The following PPP1R12B variants were observed in gnomAD, a reference collection of about 807,000 sequenced individuals.
PPP1R12B encodes the protein protein phosphatase 1 regulatory subunit 12B.
A neutral mutation model predicts 126.1 loss-of-function variants in PPP1R12B; 76 were observed. The observed-to-expected ratio is 0.60, with a 90% CI of 0.50 to 0.73. The LOEUF is 0.73. Ranked by LOEUF, PPP1R12B falls within the 30% of genes least tolerant of loss-of-function variation. PPP1R12B has a pLI of 0.00. For synonymous variants in PPP1R12B, 356 were observed against 434.7 expected (o/e 0.82, Z 2.25); for missense variants, 1,052 against 1,205.1 (o/e 0.87, Z 1.88).
At chr1:202,476,729 A>C (rs890760105) in intron 13 of PPP1R12B, among the ~76,000 whole-genome samples, 9 of 151,968 alleles carry the variant, frequency 5.9e-5, no homozygotes, top group Non-Finnish European at 1.0e-4. Flanking sequence ...ACTACAAGAT[A>C]CATCTATAAA....
At chr1:202,569,430 T>A (rs1688382841) in intron 23 of PPP1R12B, among the ~76,000 whole-genome samples, 2 of 152,176 alleles carry the variant, frequency 1.3e-5, no homozygotes, top group Admixed American at 1.3e-4. Context: ...ATACTGCCTT[T>A]GGTTTAAGGA....
At chr1:202,438,135 A>T in intron 10 of PPP1R12B, 111 bp downstream of exon 10, 1 of 1,570,192 alleles carries the variant, frequency 6.4e-7, no homozygotes, top group South Asian at 1.2e-5. Context: ...GATTTTGGAA[A>T]TGCAAAGTCT....
rs182065370 is a variant in PPP1R12B, at chr1:202,461,478, C to T, written c.1850+12307C>T. Among the ~76,000 whole-genome samples, 5 of 152,180 alleles carry T rather than the reference C, an allele frequency of 3.3e-5. No homozygotes were observed. The East Asian group carries it at 9.7e-4, about 29-fold the overall frequency. ...ATATGACAATTATTTATGTCATTACCAGTGAAATGCTTTTTTGACTTTCAT... is the reference window on the plus strand; with the variant it reads ...ATATGACAATTATTTATGTCATTACTAGTGAAATGCTTTTTTGACTTTCAT... On this transcript the variant is annotated intron_variant, in intron 13 of 23. Transcript: ENST00000608999.
intron 23 of PPP1R12B, among the ~76,000 whole-genome samples, chr1:202,570,841 T>G (rs1215293725): frequency 6.6e-6 from 1 of 152,234 alleles, no homozygotes; most frequent in Non-Finnish European, 1.5e-5. Flanking sequence ...TGTTTCTTGA[T>G]GAGTGCATAT....
chr1:202,436,508 A>G (rs1488992671), intron 9 of PPP1R12B, among the ~76,000 whole-genome samples: 1 of 152,210 alleles, frequency 6.6e-6, no homozygotes, highest in Non-Finnish European at 1.5e-5. Flanking sequence ...TGTATCAGGC[A>G]GTAAAGGTAG....
intron 18 of PPP1R12B, among the ~76,000 whole-genome samples, chr1:202,549,115 A>G (rs1217124267): frequency 6.6e-6 from 1 of 152,170 alleles, no homozygotes; most frequent in Non-Finnish European, 1.5e-5. Flanking sequence ...GAAGAATCAA[A>G]GAAAGCTTCA....
intron 1 of PPP1R12B, among the ~76,000 whole-genome samples, chr1:202,350,860 A>C (rs1655831543): frequency 6.6e-6 from 1 of 151,966 alleles, no homozygotes; most frequent in South Asian, 2.1e-4. Context: ...ACCTCAGGAG[A>C]TCCACCCTCC....
chr1:202,399,295 A>G (rs1665455647), intron 1 of PPP1R12B, among the ~76,000 whole-genome samples: 1 of 152,030 alleles, frequency 6.6e-6, no homozygotes, highest in African/African-American at 2.4e-5. Flanking sequence ...TACATGGCTT[A>G]CTGCAGCCTC....
At position 202,562,917 on chromosome 1, in the gene PPP1R12B, A is replaced by T; in HGVS notation, c.2647A>T (p.Lys883Ter). 1.3e-6 allele frequency: 2 copies of T among 1,569,920 alleles called. No individual in the cohort carries two copies. The highest frequency in any genetic ancestry group is 1.7e-4 in the Middle Eastern group (1 of 5,808). The change falls in exon 20 of 24, where the codon AAA (lysine) becomes TAA (stop). Residue 883 changes from lysine to a stop codon, truncating the protein, a stop_gained. Transcript: ENST00000608999. LOFTEE classifies it high-confidence loss of function. ...AGAAGAAGACAGCAACAGAGATTAT[A>T]AAAAAGTAGGGTCTTTATTCAATTT... ...RVEEDSNRDY[K>*]KLYESALTEN...
chr1:202,442,712 C>A, intron 12 of PPP1R12B, 140 bp downstream of exon 12: 1 of 929,986 alleles, frequency 1.1e-6, no homozygotes, highest in Non-Finnish European at 1.5e-6. Flanking sequence ...TTAGAATTAA[C>A]ATCTTGAATA....
chr1:202,589,703 A>G lies in PPP1R12B; in HGVS notation c.*9143A>G, dbSNP rs954434571. The G allele has an allele frequency of 6.6e-6, 1 of 152,272 alleles. No individual in the cohort carries two copies. Among genetic ancestry groups the G allele is most frequent in the African/African-American group, 2.4e-5 (1 of 41,450 alleles). The allele number at this position is 152,272 out of a possible 1,614,324, so 9.4% of individuals were successfully genotyped here. On this transcript the variant is annotated 3_prime_UTR_variant, in exon 24 of 24. Transcript: ENST00000608999. ...TTCTTAGCCAGGAGACCCTCAGGTG[A>G]TAAATCCCAGTCCGTCTGCTGAAAG...
chr1:202,542,046 C>A (rs1685181306), intron 18 of PPP1R12B, among the ~76,000 whole-genome samples: 1 of 152,140 alleles, frequency 6.6e-6, no homozygotes, highest in East Asian at 1.9e-4. Context: ...TTTCATATAC[C>A]ACTCATGTTC....
chr1:202,519,208 A>G (rs1399599080), intron 18 of PPP1R12B, among the ~76,000 whole-genome samples: 2 of 152,130 alleles, frequency 1.3e-5, no homozygotes, highest in African/African-American at 4.8e-5. Context: ...GGCTCTAGGA[A>G]GCTCTGAGAT....
chr1:202,523,611 C>T (rs1338768298), intron 18 of PPP1R12B, among the ~76,000 whole-genome samples: 2 of 152,208 alleles, frequency 1.3e-5, no homozygotes, highest in Non-Finnish European at 2.9e-5. Context: ...TGCAGAGCGT[C>T]ATAGGCCTTT....
chr1:202,488,499 T>A (rs372299672), intron 13 of PPP1R12B, 34 bp from the exon 14 acceptor site: 5 of 1,463,072 alleles, frequency 3.4e-6, no homozygotes, highest in Non-Finnish European at 4.8e-6. Context: ...GCAGCAAAGA[T>A]CTTGCTTTTG....
rs942653458 is a variant in PPP1R12B at position 202,565,011 on chromosome 1, G to A, written c.2757+464G>A. ...TGCTTAGGCCATATAACAAATCAAG[G>A]GCAAAGGTGGTGCCACAACATAGGG... On this transcript the variant is annotated intron_variant, in intron 21 of 23. Coordinates refer to ENST00000608999, the MANE Select transcript of PPP1R12B (RefSeq NM_002481.4). This position sits in a 1 kb window ranked among gnomAD's most constrained non-coding sequence, Gnocchi z 4.3. Among the ~76,000 whole-genome samples, 6 of 152,140 alleles carry A rather than the reference G, an allele frequency of 3.9e-5. No homozygotes were observed. Among genetic ancestry groups the A allele is most frequent in the African/African-American group, 1.2e-4 (5 of 41,418 alleles).
chr1:202,514,529 T>C (rs1166276869), intron 18 of PPP1R12B, among the ~76,000 whole-genome samples: 1 of 152,178 alleles, frequency 6.6e-6, no homozygotes, highest in Non-Finnish European at 1.5e-5. Context: ...TGGTATTGCC[T>C]AGGTTGTCTC....
intron 18 of PPP1R12B, among the ~76,000 whole-genome samples, chr1:202,499,027 A>G (rs1486614743): frequency 6.6e-6 from 1 of 152,126 alleles, no homozygotes; most frequent in Admixed American, 6.5e-5. Context: ...AATATAATTT[A>G]CAATTAATGC....
intron 2 of PPP1R12B, among the ~76,000 whole-genome samples, chr1:202,418,436 G>A (rs1261715256): frequency 6.6e-6 from 1 of 150,940 alleles, no homozygotes; most frequent in Non-Finnish European, 1.5e-5. Flanking sequence ...TTATCCTCCT[G>A]TGTGTGAAGC....
Sources: allele counts gnomAD v4.1 joint callset (sites outside exome capture counted in the v4.1 genomes callset), GRCh38; gene constraint gnomAD v4.1.1; non-coding constraint Gnocchi (gnomAD v3.1); transcripts MANE v1.5; gene names NCBI Gene and HGNC (gene_info 2026-07-23, HGNC 2026-07-21).